Variants in MYL6 observed in about 807,000 individuals in gnomAD.
The protein encoded by MYL6 is myosin light chain 6.
MYL6 carries 20 observed loss-of-function variants against 20.3 expected under a neutral mutation model. The observed-to-expected ratio is 0.98, with a 90% CI of 0.69 to 1.43. The LOEUF is 1.43. Among genes scored for constraint, MYL6 ranks in the 40% most tolerant of loss-of-function variants. MYL6 has a pLI of 0.00. For missense variants in MYL6, 164 were observed against 191.0 expected (o/e 0.86, Z 0.83); for synonymous variants, 77 against 72.4 (o/e 1.06, Z -0.32).
chr12:56,160,338 CTT>C lies in MYL6; in HGVS notation c.427+20_427+21del. 6.2e-7 allele frequency: 1 copy of C among 1,614,050 alleles called. No homozygotes were observed. Among genetic ancestry groups the C allele is most frequent in the Non-Finnish European group, 8.5e-7 (1 of 1,179,966 alleles). On this transcript the variant is annotated intron_variant, in intron 5 of 6. Transcript: ENST00000550697. Reference sequence around the variant, plus strand: ...CTATGAAGGTAAGAGGTGAACTGCGCTTTCTCAGAGAAAGCAGCCATATGGGG... The same window carrying C: ...CTATGAAGGTAAGAGGTGAACTGCGCTCTCAGAGAAAGCAGCCATATGGGG...
chr12:56,160,227 T>C lies in MYL6; in HGVS notation c.350-16T>C, dbSNP rs772739511. On this transcript the variant is annotated splice_polypyrimidine_tract_variant and intron_variant, in intron 4 of 6. Transcript: ENST00000550697. ...CTTGTCACCCAATTCCAAAAATGCT[T>C]TCTTTCCCCCTGCAGGTGAGAAGAT... is the stretch of plus-strand genomic sequence containing the variant. The C allele has an allele frequency of 1.5e-5, 25 of 1,613,980 alleles. No homozygotes were observed. Among genetic ancestry groups the C allele is most frequent in the African/African-American group, 5.3e-5 (4 of 74,930 alleles).
intron 1 of MYL6, 42 bp downstream of exon 1, chr12:56,158,446 G>GA (rs757502926): frequency 1.3e-6 from 2 of 1,548,834 alleles, no homozygotes; most frequent in African/African-American, 2.7e-5. Context: ...TTGGGGACGA[G>GA]AGGCAGGAAG....
chr12:56,158,762 C>T, intron 2 of MYL6, 51 bp downstream of exon 2: 1 of 1,610,104 alleles, frequency 6.2e-7, no homozygotes, highest in Non-Finnish European at 8.5e-7. Context: ...GAGGGACACC[C>T]TCCCCCCAGC....
rs1406469065 is a variant in MYL6, at chr12:56,160,282, C to A, written c.389C>A (p.Ala130Glu). 6.2e-7 allele frequency: 1 copy of A among 1,614,086 alleles called. No individual in the cohort carries two copies. The highest frequency in any genetic ancestry group is 8.5e-7 in the Non-Finnish European group (1 of 1,180,050). Residue 130 changes from alanine to glutamate, a missense_variant, in exon 5 of 7, where the codon GCA (alanine) becomes GAA (glutamate). By Grantham distance (107) the Ala-to-Glu change is moderately radical (BLOSUM62 -1). Coordinates refer to ENST00000550697, the MANE Select transcript of MYL6 (RefSeq NM_021019.5). ...MTEEEVEMLV[A>E]GHEDSNGCIN... ...GAGGAAGAAGTAGAGATGCTGGTGG[C>A]AGGGCATGAGGACAGCAATGGTTGT...
intron 2 of MYL6, chr12:56,159,034 C>A: frequency 1.1e-6 from 1 of 909,744 alleles, no homozygotes; most frequent in Non-Finnish European, 1.5e-6. Context: ...CTTTAATCAG[C>A]TACTTCTGCC....
In MYL6 at chr12:56,160,631, G is replaced by T. The variant is rs61938990; in HGVS notation, c.433G>T (p.Val145Leu). The T allele has an allele frequency of 2.2e-5, 36 of 1,614,204 alleles. No homozygotes were observed. The South Asian group carries it at 3.2e-4, about 14-fold the overall frequency. ...ATGTCTCTTCCTTCCTGCAGCGTTT[G>T]TGAGGCATATCCTGTCGGGGTGACG... ...SNGCINYEAF[V>L]RHILSG is the part of the protein sequence containing the mutation. The change falls in exon 6 of 7, where the codon GTG (valine) becomes TTG (leucine). Residue 145 changes from valine to leucine, a missense_variant. Val to Leu is a conservative substitution (Grantham distance 32, BLOSUM62 1). Transcript: ENST00000550697.
chr12:56,158,465 G>T lies in MYL6; in HGVS notation c.3+61G>T, dbSNP rs746680998. On this transcript the variant is annotated intron_variant, in intron 1 of 6. Coordinates refer to ENST00000550697, the MANE Select transcript of MYL6 (RefSeq NM_021019.5). ...GGACGAGAGGCAGGAAGAGACGGGT[G>T]GGGGGCGAGGAGAAGGCAGGGGTAG... is the stretch of plus-strand genomic sequence containing the variant. The T allele has an allele frequency of 7.7e-6, 12 of 1,562,638 alleles. No individual in the cohort carries two copies. In the East Asian group the frequency reaches 1.3e-4, roughly 18 times the overall value.
Position 56,159,753 on chromosome 12 carries a change from C to G in MYL6, c.175+23C>G, listed in dbSNP as rs1193013069. On this transcript the variant is annotated intron_variant, in intron 3 of 6. Transcript: ENST00000550697. ...ATGGTGAGGGGCCTAAAGAACAACTCCTCAGTGTGGTCATGGGCCCACAGT... is the reference window on the plus strand; with the variant it reads ...ATGGTGAGGGGCCTAAAGAACAACTGCTCAGTGTGGTCATGGGCCCACAGT... The G allele has an allele frequency of 2.5e-6, 4 of 1,610,358 alleles. No individual in the cohort carries two copies. The Admixed American group carries it at 6.7e-5, about 27-fold the overall frequency.
At chr12:56,158,790 A>AC in intron 2 of MYL6, 79 bp downstream of exon 2, 1 of 1,596,362 alleles carries the variant, frequency 6.3e-7, no homozygotes, top group Non-Finnish European at 8.5e-7. Flanking sequence ...CTCTAATCTT[A>AC]ATCTGTCATC....
At chr12:56,161,271 G>T in intron 6 of MYL6, 116 bp from the exon 7 acceptor site, 1 of 1,239,626 alleles carries the variant, frequency 8.1e-7, no homozygotes, top group Non-Finnish European at 1.2e-6. Flanking sequence ...CCCCAGGGTT[G>T]GTTGCTGTGG....
chr12:56,159,621 A>T lies in MYL6; in HGVS notation c.66A>T (p.Thr22=). Residue 22 remains threonine (T), a synonymous_variant, in exon 3 of 7, where the codon ACA becomes ACT. Coordinates refer to ENST00000550697, the MANE Select transcript of MYL6 (RefSeq NM_021019.5). ...AGGCCTTCCAGCTGTTTGACCGAAC[A>T]GGTGATGGCAAGATCCTGTACAGCC... is the stretch of plus-strand genomic sequence containing the variant. ...FKEAFQLFDR[T]GDGKILYSQC... 1 of 1,614,006 alleles carries T rather than the reference A, an allele frequency of 6.2e-7. No homozygotes were observed. Among genetic ancestry groups the T allele is most frequent in the Non-Finnish European group, 8.5e-7 (1 of 1,179,946 alleles).
At position 56,158,385 on chromosome 12, in the gene MYL6, A is replaced by T; in HGVS notation, c.-17A>T. Reference sequence around the variant, plus strand: ...CCATTACTGCAGGAAAAGGTCCCGGAGAGCTGAGCAGTCAAGATGGTGGGG... The same window carrying T: ...CCATTACTGCAGGAAAAGGTCCCGGTGAGCTGAGCAGTCAAGATGGTGGGG... On this transcript the variant is annotated 5_prime_UTR_variant, in exon 1 of 7. Coordinates refer to ENST00000550697, the MANE Select transcript of MYL6 (RefSeq NM_021019.5). 2 of 1,519,970 alleles carry T rather than the reference A, an allele frequency of 1.3e-6. No homozygotes were observed. Among genetic ancestry groups the T allele is most frequent in the South Asian group, 2.7e-5 (2 of 75,214 alleles). 94.2% of individuals were successfully genotyped at this position (1,519,970 alleles called of 1,614,324 possible). A position where few individuals can be genotyped will look rare whatever the true frequency, so the allele number is the denominator to read the frequency against.
chr12:56,160,546 G>C, intron 5 of MYL6, 80 bp from the exon 6 acceptor site: 2 of 1,501,982 alleles, frequency 1.3e-6, no homozygotes, highest in Non-Finnish European at 1.9e-6. Flanking sequence ...TGAAATAATG[G>C]AATGTCTGTC....
At position 56,159,986 on chromosome 12, in the gene MYL6, A is replaced by G. The variant is rs748413467; in HGVS notation, c.187A>G (p.Lys63Glu). ...CTCCTTTATGGCAGAGATGAATGTG[A>G]AGGTGCTGGACTTTGAGCACTTTCT... The part of the protein sequence containing the change: ...GNPKSDEMNV[K>E]VLDFEHFLPM... Residue 63 changes from lysine (K) to glutamate (E), a missense_variant, in exon 4 of 7, where the codon AAG (lysine) becomes GAG (glutamate). By Grantham distance (56) the Lys-to-Glu change is moderately conservative. Coordinates refer to ENST00000550697, the MANE Select transcript of MYL6 (RefSeq NM_021019.5). The G allele has an allele frequency of 6.2e-7, 1 of 1,612,266 alleles. No homozygotes were observed. The highest frequency in any genetic ancestry group is 8.5e-7 in the Non-Finnish European group (1 of 1,179,306).
chr12:56,159,028 A>C (rs755804138), intron 2 of MYL6: 2 of 984,928 alleles, frequency 2.0e-6, no homozygotes, highest in Non-Finnish European at 2.7e-6. Flanking sequence ...TTTGTCCTTT[A>C]ATCAGCTACT....
In MYL6 at chr12:56,158,571, G is replaced by T. The variant is rs555634266; in HGVS notation, c.4-113G>T. The stretch of plus-strand genomic sequence containing the variant: ...GGCCCTGCGGGGAAGCGAGTCTGCA[G>T]CCTGAAACAGGAGTTTGTGGGTCAG... On this transcript the variant is annotated intron_variant, in intron 1 of 6. Transcript: ENST00000550697. 1.4e-5 allele frequency: 23 copies of T among 1,613,466 alleles called. No individual in the cohort carries two copies. The South Asian group carries it at 2.1e-4, about 15-fold the overall frequency.
intron 5 of MYL6, 118 bp downstream of exon 5, chr12:56,160,438 GCA>G: frequency 2.0e-6 from 3 of 1,490,760 alleles, no homozygotes; most frequent in Non-Finnish European, 2.8e-6. Flanking sequence ...GAGGCAAGGT[GCA>G]GGGCCCTGCC....
intron 2 of MYL6, 56 bp downstream of exon 2, chr12:56,158,767 C>A: frequency 1.2e-6 from 2 of 1,603,388 alleles, no homozygotes; most frequent in African/African-American, 1.3e-5. Flanking sequence ...ACACCCTCCC[C>A]CCAGCACCTA....
At position 56,158,665 on chromosome 12, in the gene MYL6, T is replaced by G. The variant is rs1871489640; in HGVS notation, c.4-19T>G. ...GGATTGGCGTTCAGATGCTGACCAC[T>G]TCCCTCTTCTCTGAGCAGTGTGACT... is the stretch of plus-strand genomic sequence containing the variant. On this transcript the variant is annotated intron_variant, in intron 1 of 6. Coordinates refer to ENST00000550697, the MANE Select transcript of MYL6 (RefSeq NM_021019.5). The G allele has an allele frequency of 6.2e-7, 1 of 1,613,948 alleles. No homozygotes were observed. The highest frequency in any genetic ancestry group is 1.7e-5 in the Admixed American group (1 of 59,984).
Sources: allele counts gnomAD v4.1 joint callset, GRCh38; gene constraint gnomAD v4.1.1; transcripts MANE v1.5; gene names NCBI Gene and HGNC (gene_info 2026-07-23, HGNC 2026-07-21).